The following ARHGAP5 variants were observed in gnomAD, a reference collection of about 807,000 sequenced individuals.
The protein encoded by ARHGAP5 is rho GTPase-activating protein 5.
Under a neutral mutation model 116.6 loss-of-function variants are expected in ARHGAP5, and 23 were observed. The observed-to-expected ratio is 0.20, with a 90% CI of 0.14 to 0.28. The LOEUF is 0.28. Ranked by LOEUF, ARHGAP5 falls within the 10% of genes least tolerant of loss-of-function variation. The probability of loss-of-function intolerance (pLI) is 1.00; values close to 1 mark genes in which losing one functional copy is unlikely to be tolerated. For missense variants in ARHGAP5, 1,405 were observed against 1,774.8 expected (o/e 0.79, Z 3.74); for synonymous variants, 574 against 602.0 (o/e 0.95, Z 0.68).
At chr14:32,086,204 C>G (rs1020826792) in intron 1 of ARHGAP5, among the ~76,000 whole-genome samples, 9 of 152,108 alleles carry the variant, frequency 5.9e-5, no homozygotes, top group Non-Finnish European at 1.3e-4. Context: ...AGCATGTTGT[C>G]TTCCTCCAGT....
chr14:32,129,852 A>G (rs1482116438), intron 3 of ARHGAP5, among the ~76,000 whole-genome samples: 1 of 152,192 alleles, frequency 6.6e-6, no homozygotes, highest in Non-Finnish European at 1.5e-5. Context: ...TGTTTGAACC[A>G]GAACAGGGGA....
intron 3 of ARHGAP5, among the ~76,000 whole-genome samples, chr14:32,141,775 C>T (rs1301023235): frequency 6.6e-6 from 1 of 152,082 alleles, no homozygotes; most frequent in Non-Finnish European, 1.5e-5. Flanking sequence ...TTTTACCAGA[C>T]ACAGAATTTT....
At chr14:32,100,343 G>T (rs546445447) in intron 2 of ARHGAP5, among the ~76,000 whole-genome samples, 1 of 152,222 alleles carries the variant, frequency 6.6e-6, no homozygotes, top group East Asian at 1.9e-4. Flanking sequence ...AGGACTACAG[G>T]TATTAGCCAC....
chr14:32,142,583 C>T (rs149188784), intron 3 of ARHGAP5, among the ~76,000 whole-genome samples: 1 of 152,300 alleles, frequency 6.6e-6, no homozygotes, highest in Non-Finnish European at 1.5e-5. Context: ...GTGGGTGAAA[C>T]AAAGGCAAGC....
chr14:32,110,209 T>TA (rs563872548), intron 2 of ARHGAP5, among the ~76,000 whole-genome samples: 10,250 of 113,892 alleles, frequency 0.09, 534 homozygotes, highest in African/African-American at 0.18. Flanking sequence ...GCTGGGGAGA[T>TA]AAAAAAAAAA....
At chr14:32,099,117 G>A (rs879307157) in intron 2 of ARHGAP5, among the ~76,000 whole-genome samples, 3 of 152,118 alleles carry the variant, frequency 2.0e-5, no homozygotes, top group Non-Finnish European at 4.4e-5. Flanking sequence ...CATATGGGGA[G>A]GTGAGGATAA....
rs539688343 is a variant in ARHGAP5 at position 32,141,687 on chromosome 14, A to G, written c.3866-4576A>G. ...CTCTCTTTACCATATCTTGTAGGAC[A>G]TGTATACTAGTGACAATCTCTCTCA... On this transcript the variant is annotated intron_variant, in intron 3 of 6. Coordinates refer to ENST00000345122, the MANE Select transcript of ARHGAP5 (RefSeq NM_001030055.2). Among the ~76,000 whole-genome samples the G allele has an allele frequency of 1.4e-4, 21 of 152,254 alleles. No homozygotes were observed. In the South Asian group the frequency reaches 4.3e-3, roughly 32 times the overall value.
At chr14:32,120,289 GAT>G (rs1241838783) in intron 3 of ARHGAP5, among the ~76,000 whole-genome samples, 9 of 151,860 alleles carry the variant, frequency 5.9e-5, no homozygotes, top group Admixed American at 2.0e-4. Flanking sequence ...TTTCTTCCCT[GAT>G]ATTACTAAAT....
intron 3 of ARHGAP5, among the ~76,000 whole-genome samples, chr14:32,118,850 T>C (rs973391984): frequency 6.6e-5 from 10 of 152,336 alleles, no homozygotes; most frequent in South Asian, 2.1e-4. Flanking sequence ...AATAAAATTA[T>C]AGATTAGTGT....
intron 2 of ARHGAP5, among the ~76,000 whole-genome samples, chr14:32,108,128 GT>G (rs1358888811): frequency 6.6e-6 from 1 of 152,216 alleles, no homozygotes; most frequent in African/African-American, 2.4e-5. Flanking sequence ...GTGACAAGCG[GT>G]TTAAGGGAAT....
rs184253112 is a variant in ARHGAP5 at position 32,155,807 on chromosome 14, G to A, written c.*859G>A. On this transcript the variant is annotated 3_prime_UTR_variant, in exon 7 of 7. Coordinates refer to ENST00000345122, the MANE Select transcript of ARHGAP5 (RefSeq NM_001030055.2). The stretch of plus-strand genomic sequence containing the variant: ...TCTTGGGGAACACATTTAGTATAGT[G>A]TAGAAAATACTTCCATGACATTTTC... The A allele has an allele frequency of 1.5e-4, 23 of 152,574 alleles. No homozygotes were observed. The highest frequency in any genetic ancestry group is 4.3e-4 in the African/African-American group (18 of 41,556). 9.5% of individuals were successfully genotyped at this position (152,574 alleles called of 1,614,324 possible).
intron 2 of ARHGAP5, among the ~76,000 whole-genome samples, chr14:32,110,544 G>A (rs533533559): frequency 4.8e-4 from 73 of 152,184 alleles, no homozygotes; most frequent in African/African-American, 1.7e-3. Flanking sequence ...AAAATAGCAA[G>A]GAAACCATGT....
At chr14:32,080,822 T>C (rs1393375733) in intron 1 of ARHGAP5, among the ~76,000 whole-genome samples, 1 of 152,140 alleles carries the variant, frequency 6.6e-6, no homozygotes, top group Admixed American at 6.5e-5. Context: ...TACAGTACTT[T>C]AGATTTGCAG....
At position 32,151,338 on chromosome 14, in the gene ARHGAP5, A is replaced by C. The variant is rs145706268; in HGVS notation, c.4076-1085A>C. ...AAGGAAGAGGTGGAAAGCACCCTCT[A>C]TCTCATTTATTTCAGGGCCACATTT... On this transcript the variant is annotated intron_variant, in intron 5 of 6. Transcript: ENST00000345122. 4.5e-3 allele frequency among the ~76,000 whole-genome samples: 682 copies of C among 152,340 alleles called. 7 individuals are homozygous for C. Among genetic ancestry groups the C allele is most frequent in the African/African-American group, 0.016 (658 of 41,578 alleles).
At position 32,146,344 on chromosome 14, in the gene ARHGAP5, A is replaced by C; in HGVS notation, c.3943+4A>C. On this transcript the variant is annotated splice_donor_region_variant and intron_variant, in intron 4 of 6. Transcript: ENST00000345122. ...ATTCAAAAGCAGTTTGATCAAGGTA[A>C]GAAGATGATTATGTGAAATAAAAAT... 1 of 1,598,622 alleles carries C rather than the reference A, an allele frequency of 6.3e-7. No individual in the cohort carries two copies. The highest frequency in any genetic ancestry group is 8.6e-7 in the Non-Finnish European group (1 of 1,166,560).
In ARHGAP5 at chr14:32,094,358, A is replaced by G; in HGVS notation, c.3689A>G (p.Lys1230Arg). The G allele has an allele frequency of 6.3e-7, 1 of 1,583,192 alleles. No homozygotes were observed. The highest frequency in any genetic ancestry group is 8.5e-7 in the Non-Finnish European group (1 of 1,170,990). The part of the protein sequence containing the change: ...QELDDKKMKK[K>R]THKVKEDKKQ... ...TTAGATGATAAGAAGATGAAGAAGA[A>G]AACCCACAAAGTGAAAGAAGATAAA... The change falls in exon 2 of 7, where the codon AAA becomes AGA. Residue 1230 changes from lysine (K) to arginine (R), a missense_variant. Around this residue, in one of 6 missense-constraint regions of ARHGAP5, gnomAD observed 176 missense variants for 221.2 expected, o/e 0.80. Coordinates refer to ENST00000345122, the MANE Select transcript of ARHGAP5 (RefSeq NM_001030055.2).
chr14:32,093,088 G>A lies in ARHGAP5; in HGVS notation c.2419G>A (p.Ala807Thr), dbSNP rs1258199706. The part of the protein sequence containing the change: ...SPFLDSHSCS[A>T]AQAGQNNSLM... ...CTTCCTTGATTCTCATTCTTGCAGT[G>A]CTGCTCAAGCTGGACAGAATAATTC... The change falls in exon 2 of 7, where the codon GCT (alanine) becomes ACT (threonine). Residue 807 changes from alanine to threonine, a missense_variant. Ala to Thr is a moderately conservative substitution (Grantham distance 58, BLOSUM62 0). Transcript: ENST00000345122. 8.7e-6 allele frequency: 14 copies of A among 1,613,816 alleles called. No homozygotes were observed. Among genetic ancestry groups the A allele is most frequent in the Admixed American group, 1.7e-5 (1 of 59,980 alleles).
intron 2 of ARHGAP5, among the ~76,000 whole-genome samples, chr14:32,111,595 G>A (rs1879300802): frequency 6.6e-6 from 1 of 152,168 alleles, no homozygotes; most frequent in African/African-American, 2.4e-5. Flanking sequence ...TAGTTTGTCT[G>A]CAAAAGGGAG....
intron 1 of ARHGAP5, among the ~76,000 whole-genome samples, chr14:32,089,939 TG>T (rs952314410): frequency 2.0e-5 from 3 of 151,956 alleles, no homozygotes; most frequent in Non-Finnish European, 2.9e-5. Context: ...TTCTTAATTT[TG>T]GGGGGGTATA....
Sources: gnomAD v4.1 joint callset for allele counts (sites outside exome capture counted in the v4.1 genomes callset) on GRCh38, gnomAD v4.1.1 for gene constraint, gnomAD v4.1.1 regional missense constraint, MANE v1.5 for transcripts, NCBI Gene and HGNC (gene_info 2026-07-23, HGNC 2026-07-21) for gene names.